The following PABPC4L variants were observed in gnomAD, a reference collection of about 807,000 sequenced individuals.
PABPC4L encodes poly(A) binding protein cytoplasmic 4 like, also known as polyadenylate-binding protein 4-like.
For synonymous variants in PABPC4L, 169 were observed against 164.1 expected, an observed-to-expected ratio of 1.03 and a Z score of -0.23; for missense variants, 452 against 451.4, an observed-to-expected ratio of 1.00 and a Z score of -0.01.
chr4:134,125,516 T>C, the PABPC4L span, among the ~76,000 whole-genome samples: 2 of 152,156 alleles, frequency 1.3e-5, no homozygotes, highest in Non-Finnish European at 2.9e-5. Context: ...TATAAACTGT[T>C]GCCTGGTTTA....
At chr4:134,076,098 C>T in the PABPC4L span, among the ~76,000 whole-genome samples, 1 of 150,624 alleles carries the variant, frequency 6.6e-6, no homozygotes, top group African/African-American at 2.4e-5. Flanking sequence ...TACCTGGATA[C>T]CTAATTTCAG....
At chr4:134,040,764 G>T in the PABPC4L span, among the ~76,000 whole-genome samples, 1 of 152,088 alleles carries the variant, frequency 6.6e-6, no homozygotes, top group Non-Finnish European at 1.5e-5. Flanking sequence ...CACAGCAAAA[G>T]AAACTATCAT....
chr4:134,127,559 C>T, the PABPC4L span, among the ~76,000 whole-genome samples: 1 of 152,056 alleles, frequency 6.6e-6, no homozygotes, highest in East Asian at 1.9e-4. Context: ...GTAACAATCA[C>T]ATCAGTATGG....
chr4:134,187,712 G>A, the PABPC4L span, among the ~76,000 whole-genome samples: 2 of 151,960 alleles, frequency 1.3e-5, no homozygotes, highest in African/African-American at 2.4e-5. Context: ...TTTGAAGTCT[G>A]CTTTGTCTGA....
downstream of PABPC4L, among the ~76,000 whole-genome samples, chr4:134,192,727 T>A (rs1305835658): frequency 6.6e-6 from 1 of 152,066 alleles, no homozygotes; most frequent in Non-Finnish European, 1.5e-5. Context: ...ATGAAATGAA[T>A]CTCACTAAAA....
chr4:134,054,065 A>G, the PABPC4L span, among the ~76,000 whole-genome samples: 1 of 151,692 alleles, frequency 6.6e-6, no homozygotes, highest in Non-Finnish European at 1.5e-5. Context: ...AGAAGTGAGT[A>G]TAAATTAATG....
chr4:134,162,626 A>C, the PABPC4L span, among the ~76,000 whole-genome samples: 1 of 152,156 alleles, frequency 6.6e-6, no homozygotes. Flanking sequence ...CAAAAGTCTG[A>C]ATAATTTTTT....
chr4:134,037,786 C>A, the PABPC4L span, among the ~76,000 whole-genome samples: 1 of 152,090 alleles, frequency 6.6e-6, no homozygotes, highest in East Asian at 1.9e-4. Context: ...AATTTGACTT[C>A]CTCTTTTCCT....
At chr4:134,112,415 C>A in the PABPC4L span, among the ~76,000 whole-genome samples, 2 of 151,774 alleles carry the variant, frequency 1.3e-5, no homozygotes, top group Admixed American at 1.3e-4. Flanking sequence ...TGTCAATATA[C>A]TCTAGTAAGT....
At chr4:134,015,173 G>A in the PABPC4L span, among the ~76,000 whole-genome samples, 332 of 152,142 alleles carry the variant, frequency 2.2e-3, 2 homozygotes, top group African/African-American at 7.5e-3. Flanking sequence ...CCCGCAGTGC[G>A]CTTTAAAAAG....
chr4:134,129,004 C>T, the PABPC4L span, among the ~76,000 whole-genome samples: 1 of 151,960 alleles, frequency 6.6e-6, no homozygotes, highest in Non-Finnish European at 1.5e-5. Flanking sequence ...AAAGGGGCAC[C>T]TAAACAGGCA....
At chr4:133,984,110 T>C in the PABPC4L span, among the ~76,000 whole-genome samples, 1 of 151,836 alleles carries the variant, frequency 6.6e-6, no homozygotes, top group African/African-American at 2.4e-5. Context: ...ATATTTTCAA[T>C]TGCACCAACA....
chr4:134,037,816 C>A, the PABPC4L span, among the ~76,000 whole-genome samples: 11 of 152,038 alleles, frequency 7.2e-5, no homozygotes, highest in African/African-American at 2.2e-4. Flanking sequence ...CCTTTTATTT[C>A]TTTCTCTTGC....
chr4:134,121,253 A>C, the PABPC4L span, among the ~76,000 whole-genome samples: 2 of 149,784 alleles, frequency 1.3e-5, no homozygotes, highest in Admixed American at 6.7e-5. Flanking sequence ...CTGATAACTA[A>C]TATCAGGATT....
the PABPC4L span, among the ~76,000 whole-genome samples, chr4:134,156,513 A>C: frequency 2.0e-5 from 3 of 151,916 alleles, no homozygotes; most frequent in African/African-American, 7.2e-5. Context: ...GTGTTCTTAC[A>C]AATGTGGATG....
chr4:134,029,793 G>A, the PABPC4L span, among the ~76,000 whole-genome samples: 3 of 151,626 alleles, frequency 2.0e-5, no homozygotes, highest in East Asian at 3.9e-4. Flanking sequence ...ATAAAAAGGA[G>A]GTGATATGGC....
chr4:134,101,006 A>G, the PABPC4L span, among the ~76,000 whole-genome samples: 1 of 150,940 alleles, frequency 6.6e-6, no homozygotes, highest in Non-Finnish European at 1.5e-5. Flanking sequence ...ATCAAAAACA[A>G]ATGTATTAGA....
At chr4:134,054,252 G>GTATATATATATA in the PABPC4L span, among the ~76,000 whole-genome samples, 7 of 93,770 alleles carry the variant, frequency 7.5e-5, no homozygotes, top group East Asian at 5.2e-4. Context: ...AGTTGTATAT[G>GTATATATATATA]TATATATATA....
chr4:134,037,062 A>T, the PABPC4L span, among the ~76,000 whole-genome samples: 1 of 151,982 alleles, frequency 6.6e-6, no homozygotes, highest in African/African-American at 2.4e-5. Flanking sequence ...ATCTCAAAAA[A>T]AAAAAAAAAT....
Sources: gnomAD v4.1 joint callset for allele counts (sites outside exome capture counted in the v4.1 genomes callset) on GRCh38, gnomAD v4.1.1 for gene constraint, MANE v1.5 for transcripts, NCBI Gene and HGNC (gene_info 2026-07-23, HGNC 2026-07-21) for gene names.